SNTG2: variants seen among roughly 807,000 people sequenced by gnomAD.
SNTG2 encodes gamma-2-syntrophin.
A neutral mutation model predicts 70.9 loss-of-function variants in SNTG2; 74 were observed. The ratio of observed to expected loss-of-function variants is 1.04; its 90% CI spans 0.86 to 1.27. The LOEUF is 1.27. Among genes scored for constraint, SNTG2 ranks in the 50% most tolerant of loss-of-function variants. The pLI, the probability that SNTG2 is intolerant of heterozygous loss-of-function variation, is 0.00. For missense variants in SNTG2, 717 were observed against 690.7 expected (o/e 1.04, Z -0.43); for synonymous variants, 278 against 273.8 (o/e 1.02, Z -0.15).
chr2:1,183,614 A>G (rs562149008), intron 8 of SNTG2, among the ~76,000 whole-genome samples: 80 of 152,244 alleles, frequency 5.3e-4, no homozygotes, highest in Non-Finnish European at 8.1e-4. Context: ...AATTGATGGG[A>G]ATTAGCAACT....
At chr2:1,115,617 A>G (rs1323798059) in intron 4 of SNTG2, among the ~76,000 whole-genome samples, 2 of 128,648 alleles carry the variant, frequency 1.6e-5, no homozygotes, top group Non-Finnish European at 1.7e-5. Context: ...GAAGAATCGT[A>G]TGTACTAAGT....
At chr2:1,058,318 A>G (rs1330722657) in intron 1 of SNTG2, among the ~76,000 whole-genome samples, 1 of 152,230 alleles carries the variant, frequency 6.6e-6, no homozygotes, top group Non-Finnish European at 1.5e-5. Flanking sequence ...AAGTACAGGC[A>G]GAGTAGGCAT....
chr2:1,162,465 T>A (rs528799263), intron 6 of SNTG2, among the ~76,000 whole-genome samples: 2 of 152,244 alleles, frequency 1.3e-5, no homozygotes, highest in Non-Finnish European at 2.9e-5. Flanking sequence ...GTCCTGGTGA[T>A]GTTTTGCCTT....
chr2:1,123,951 T>G (rs558969774), intron 4 of SNTG2, among the ~76,000 whole-genome samples: 12 of 151,992 alleles, frequency 7.9e-5, no homozygotes, highest in African/African-American at 2.9e-4. Flanking sequence ...AAGCAGAGAG[T>G]AGAATGATGG....
intron 14 of SNTG2, among the ~76,000 whole-genome samples, chr2:1,307,343 G>A (rs1431120420): frequency 6.7e-6 from 1 of 149,830 alleles, no homozygotes. Context: ...TGTGGTGTAT[G>A]AGCCATGCAC....
intron 1 of SNTG2, among the ~76,000 whole-genome samples, chr2:1,021,664 A>G (rs972172762): frequency 3.2e-4 from 49 of 151,612 alleles, no homozygotes; most frequent in African/African-American, 1.1e-3. Context: ...GTGCAGCACT[A>G]TGATCATAAC....
Position 1,209,121 on chromosome 2 carries a change from T to G in SNTG2, c.610T>G (p.Ser204Ala). The G allele has an allele frequency of 6.2e-7, 1 of 1,613,936 alleles. No homozygotes were observed. The highest frequency in any genetic ancestry group is 8.5e-7 in the Non-Finnish European group (1 of 1,179,880). ...SSTTAPSSPS[S>A]PIAKDPRYEK... is the part of the protein sequence containing the mutation. ...TGTACAGGCCCCATCGTCACCTTCC[T>G]CGCCCATAGCTAAGGACCCGAGGTA... Residue 204 changes from serine to alanine, a missense_variant, in exon 9 of 17, where the codon TCG becomes GCG. Physicochemically the swap from Ser to Ala is moderately conservative, Grantham distance 99. Transcript: ENST00000308624.
rs142910277 is a variant in SNTG2 at position 1,058,116 on chromosome 2, T to C, written c.73-25402T>C. On this transcript the variant is annotated intron_variant, in intron 1 of 16. Coordinates refer to ENST00000308624, the MANE Select transcript of SNTG2 (RefSeq NM_018968.4). Reference sequence around the variant, plus strand: ...GTATCTGCATTCTTTTCTGCTCTTATCTTCCTTGTTCATCAGTTGTTGCTG... The same window carrying C: ...GTATCTGCATTCTTTTCTGCTCTTACCTTCCTTGTTCATCAGTTGTTGCTG... Among the ~76,000 whole-genome samples, 246 of 148,638 alleles carry C rather than the reference T, an allele frequency of 1.7e-3. No homozygotes were observed. The Middle Eastern group carries it at 0.041, about 25-fold the overall frequency.
intron 9 of SNTG2, chr2:1,210,439 C>G (rs753766376): frequency 3.9e-5 from 6 of 152,212 alleles, no homozygotes; most frequent in Non-Finnish European, 7.3e-5. Flanking sequence ...ACCACATATG[C>G]CATGGTGGTC....
intron 1 of SNTG2, among the ~76,000 whole-genome samples, chr2:1,051,999 AT>A (rs1662105019): frequency 6.6e-6 from 1 of 152,086 alleles, no homozygotes; most frequent in Non-Finnish European, 1.5e-5. Context: ...CTTTAAAAGT[AT>A]TTTGCTTTTT....
At chr2:1,064,893 A>G (rs1365170275) in intron 1 of SNTG2, among the ~76,000 whole-genome samples, 3 of 152,236 alleles carry the variant, frequency 2.0e-5, no homozygotes, top group Non-Finnish European at 4.4e-5. Context: ...ACAAGACCCA[A>G]CTTTATGCTG....
chr2:981,295 C>A (rs4546038), intron 1 of SNTG2, among the ~76,000 whole-genome samples: 46,361 of 152,106 alleles, frequency 0.3, 7,471 homozygotes, highest in Middle Eastern at 0.41. Flanking sequence ...AGGCTGGGCC[C>A]TGTTGATTCA....
chr2:1,038,286 G>T (rs893545617), intron 1 of SNTG2, among the ~76,000 whole-genome samples: 6 of 152,050 alleles, frequency 3.9e-5, no homozygotes, highest in Non-Finnish European at 7.4e-5. Context: ...ATACATTTTG[G>T]GCAAGATTCA....
At chr2:1,003,486 C>A (rs571321429) in intron 1 of SNTG2, among the ~76,000 whole-genome samples, 15 of 152,260 alleles carry the variant, frequency 9.9e-5, no homozygotes, top group African/African-American at 3.6e-4. Flanking sequence ...ACATATTAAC[C>A]AAGCATTCAT....
intron 8 of SNTG2, among the ~76,000 whole-genome samples, chr2:1,208,347 G>A (rs184625298): frequency 0.027 from 3,538 of 129,788 alleles, 142 homozygotes; most frequent in African/African-American, 0.09. Context: ...CCTGTGAGGC[G>A]CGTTCTTGCC....
chr2:1,367,207 A>G lies in SNTG2; in HGVS notation c.1489-136A>G, dbSNP rs1003750347. The stretch of plus-strand genomic sequence containing the variant: ...GTTACTCTGCCTTTTACTTTAAACC[A>G]TACATATTTCCTGTCTATTATTATT... On this transcript the variant is annotated intron_variant, in intron 16 of 16. Coordinates refer to ENST00000308624, the MANE Select transcript of SNTG2 (RefSeq NM_018968.4). 6 of 808,468 alleles carry G rather than the reference A, an allele frequency of 7.4e-6. No homozygotes were observed. In the Admixed American group the frequency reaches 2.0e-4, roughly 27 times the overall value. The allele number at this position is 808,468 out of a possible 1,614,324, so 50.1% of individuals were successfully genotyped here.
At chr2:1,140,674 C>T (rs1211534803) in intron 6 of SNTG2, among the ~76,000 whole-genome samples, 1 of 152,260 alleles carries the variant, frequency 6.6e-6, no homozygotes, top group East Asian at 1.9e-4. Context: ...CCCAGGATAT[C>T]TCAGCGCAAG....
chr2:1,288,108 G>A (rs1277591116), intron 14 of SNTG2, among the ~76,000 whole-genome samples: 1 of 152,166 alleles, frequency 6.6e-6, no homozygotes, highest in African/African-American at 2.4e-5. Flanking sequence ...TGAGTGATTG[G>A]TATTTATACA....
chr2:1,130,542 C>T (rs1667952911), intron 4 of SNTG2, among the ~76,000 whole-genome samples: 1 of 152,320 alleles, frequency 6.6e-6, no homozygotes, highest in South Asian at 2.1e-4. Context: ...TCATCACAGT[C>T]GGGCTGGTGG....
Sources: gnomAD v4.1 joint callset for allele counts (sites outside exome capture counted in the v4.1 genomes callset) on GRCh38, gnomAD v4.1.1 for gene constraint, MANE v1.5 for transcripts, NCBI Gene and HGNC (gene_info 2026-07-23, HGNC 2026-07-21) for gene names.